The following TPRN variants were observed in gnomAD, a reference collection of about 807,000 sequenced individuals.
TPRN encodes chromosome 9 open reading frame 75.
TPRN carries 32 observed loss-of-function variants against 42.6 expected under a neutral mutation model. The ratio of observed to expected loss-of-function variants is 0.75; its 90% confidence interval spans 0.57 to 1.01. The LOEUF (loss-of-function observed/expected upper bound fraction) is 1.01, where lower values mean the gene tolerates loss of function less well. TPRN is among the 50% of genes least tolerant of loss of function. The pLI, the probability that TPRN is intolerant of heterozygous loss-of-function variation, is 0.00. For missense variants in TPRN, 1,095 were observed against 957.5 expected (o/e 1.14, Z -1.90); for synonymous variants, 541 against 445.6 (o/e 1.21, Z -2.70).
rs957768814 is a variant in TPRN at position 137,200,220 on chromosome 9, GGGCGGCGGC to G, written c.483_491del (p.Pro162_Pro164del). The stretch of plus-strand genomic sequence containing the variant: ...CCGCGGGCGGGGGCCGGGGCGGCGC[GGGCGGCGGC>G]GGCGGCGGCGGGGGGCGGGCGCGCT... On this transcript the variant is annotated inframe_deletion, in exon 1 of 4. Transcript: ENST00000409012. The surrounding 1 kb of genome is among the most constrained non-coding windows in gnomAD (Gnocchi z 4.3). The G allele has an allele frequency of 3.0e-4, 290 of 958,706 alleles. 2 individuals are homozygous for G. Among genetic ancestry groups the G allele is most frequent in the Middle Eastern group, 1.1e-3 (2 of 1,846 alleles). 59.4% of individuals were successfully genotyped at this position (958,706 alleles called of 1,614,324 possible). A position where few individuals can be genotyped will look rare whatever the true frequency, so the allele number is the denominator to read the frequency against.
Position 137,199,540 on chromosome 9 carries a change from T to G in TPRN, c.1172A>C (p.Gln391Pro). ...LGKSPLEVEA[Q>P]WAVEEGACPR... is the part of the protein sequence containing the mutation. ...ACAGGCCCCCTCCTCGACTGCCCAC[T>G]GTGCCTCGACCTCCAGGGGGCTCTT... The change falls in exon 1 of 4, where the codon CAG becomes CCG. Residue 391 changes from glutamine to proline, a missense_variant. Physicochemically the swap from Gln to Pro is moderately conservative, Grantham distance 76. Transcript: ENST00000409012. The G allele has an allele frequency of 6.4e-7, 1 of 1,564,362 alleles. No individual in the cohort carries two copies. The highest frequency in any genetic ancestry group is 8.7e-7 in the Non-Finnish European group (1 of 1,154,954).
chr9:137,199,440 C>A lies in TPRN; in HGVS notation c.1272G>T (p.Pro424=). The change falls in exon 1 of 4, where the codon CCG becomes CCT. Residue 424 remains proline, a synonymous_variant. Coordinates refer to ENST00000409012, the MANE Select transcript of TPRN (RefSeq NM_001128228.3). ...CAGGCTCAGCTTCTTCCGAAGCAGCCGGCAGGAAGGGGGGCGGTGAGGACG... is the reference window on the plus strand; with the variant it reads ...CAGGCTCAGCTTCTTCCGAAGCAGCAGGCAGGAAGGGGGGCGGTGAGGACG... ...QRPSSPPPFL[P]AASEEAEPAE... 6.2e-7 allele frequency: 1 copy of A among 1,610,234 alleles called. No homozygotes were observed. The highest frequency in any genetic ancestry group is 1.1e-5 in the South Asian group (1 of 90,742).
Position 137,199,054 on chromosome 9 carries a change from T to C in TPRN, c.1658A>G (p.Glu553Gly). 1 of 1,613,308 alleles carries C rather than the reference T, an allele frequency of 6.2e-7. No homozygotes were observed. Among genetic ancestry groups the C allele is most frequent in the South Asian group, 1.1e-5 (1 of 91,082 alleles). The change falls in exon 1 of 4, where the codon GAG becomes GGG. Residue 553 changes from glutamate (E) to glycine (G), a missense_variant. Glu to Gly is a moderately conservative substitution (Grantham distance 98, BLOSUM62 -2). Coordinates refer to ENST00000409012, the MANE Select transcript of TPRN (RefSeq NM_001128228.3). ...KKRYPTVHEI[E>G]VIGGYLALQK... is the part of the protein sequence containing the mutation. Reference sequence around the variant, plus strand: ...CAGGGCCAGGTAGCCGCCAATCACCTCGATCTCATGCACGGTGGGGTAGCG... The same window carrying C: ...CAGGGCCAGGTAGCCGCCAATCACCCCGATCTCATGCACGGTGGGGTAGCG...
At chr9:137,197,590 C>T (rs1834724402) in intron 1 of TPRN, among the ~76,000 whole-genome samples, 1 of 152,244 alleles carries the variant, frequency 6.6e-6, no homozygotes, top group African/African-American at 2.4e-5. Context: ...GGCGCAGTTT[C>T]TCTCTACAAA....
chr9:137,198,974 C>G lies in TPRN; in HGVS notation c.1725+13G>C. On this transcript the variant is annotated intron_variant, in intron 1 of 3. Coordinates refer to ENST00000409012, the MANE Select transcript of TPRN (RefSeq NM_001128228.3). The stretch of plus-strand genomic sequence containing the variant: ...TCTCCCTGCCAGCCAGTGGCCCTGC[C>G]CCCACCACTGACCTTCTTTCTTGAG... The G allele has an allele frequency of 6.2e-7, 1 of 1,612,646 alleles. No homozygotes were observed. The highest frequency in any genetic ancestry group is 8.5e-7 in the Non-Finnish European group (1 of 1,179,908).
Position 137,200,554 on chromosome 9 carries a change from A to G in TPRN, c.158T>C (p.Leu53Pro). 1 of 1,160,100 alleles carries G rather than the reference A, an allele frequency of 8.6e-7. No homozygotes were observed. The highest frequency in any genetic ancestry group is 4.8e-5 in the Admixed American group (1 of 20,774). The allele number at this position is 1,160,100 out of a possible 1,614,324, so 71.9% of individuals were successfully genotyped here. A position where few individuals can be genotyped will look rare whatever the true frequency, so the allele number is the denominator to read the frequency against. ...GAACGGGTTCTCGCGCAGCGGGCCC[A>G]GGCTCTCGGCCAGCACCCGCTGCTC... Reference protein sequence around the residue: ...EPEQRVLAESLGPLRENPFML... With the variant: ...EPEQRVLAESPGPLRENPFML... The change falls in exon 1 of 4, where the codon CTG becomes CCG. Residue 53 changes from leucine to proline, a missense_variant. Physicochemically the swap from Leu to Pro is moderately conservative, Grantham distance 98. Coordinates refer to ENST00000409012, the MANE Select transcript of TPRN (RefSeq NM_001128228.3). This position sits in a 1 kb window ranked among gnomAD's most constrained non-coding sequence, Gnocchi z 4.3.
At chr9:137,196,601 TAAA>T (rs1167370893) in intron 1 of TPRN, among the ~76,000 whole-genome samples, 2 of 151,212 alleles carry the variant, frequency 1.3e-5, no homozygotes, top group African/African-American at 4.9e-5. Context: ...AAACAAAAAA[TAAA>T]AAAAGGCTGG....
rs778609420 is a variant in TPRN, at chr9:137,192,548, G to A, written c.1869C>T (p.Ser623=). The A allele has an allele frequency of 3.4e-5, 55 of 1,609,064 alleles. No homozygotes were observed. In the Admixed American group the frequency reaches 4.0e-4, roughly 12 times the overall value. The change falls in exon 2 of 4, where the codon TCC becomes TCT. Residue 623 remains serine (S), a synonymous_variant. Transcript: ENST00000409012. ...GTGCAAAGGGCTTCTCCTCTGAGCCGGATCCCTCTTCCTCCTCTTCCTCTT... is the reference window on the plus strand; with the variant it reads ...GTGCAAAGGGCTTCTCCTCTGAGCCAGATCCCTCTTCCTCCTCTTCCTCTT... ...EEEEEEEEEG[S]GSEEKPFALF...
chr9:137,199,109 T>C lies in TPRN; in HGVS notation c.1603A>G (p.Ser535Gly). 6 of 1,613,250 alleles carry C rather than the reference T, an allele frequency of 3.7e-6. No individual in the cohort carries two copies. The highest frequency in any genetic ancestry group is 1.1e-5 in the South Asian group (1 of 91,086). ...TTCAACGTGGGCCCCAGGAGGCAAC[T>C]AGCCTCCTCCTCCTCGGCCTCCCGT... ...RPREAEEEEA[S>G]CLLGPTLKKR... Residue 535 changes from serine to glycine, a missense_variant, in exon 1 of 4, where the codon AGT becomes GGT. Transcript: ENST00000409012.
chr9:137,198,391 C>T (rs1834738424), intron 1 of TPRN, among the ~76,000 whole-genome samples: 1 of 152,250 alleles, frequency 6.6e-6, no homozygotes, highest in Non-Finnish European at 1.5e-5. Flanking sequence ...GCAAGCTTCC[C>T]AGGCCCAGAA....
chr9:137,200,537 T>C lies in TPRN; in HGVS notation c.175A>G (p.Asn59Asp). 1 of 1,166,924 alleles carries C rather than the reference T, an allele frequency of 8.6e-7. No homozygotes were observed. The highest frequency in any genetic ancestry group is 1.1e-6 in the Non-Finnish European group (1 of 946,590). 72.3% of individuals were successfully genotyped at this position (1,166,924 alleles called of 1,614,324 possible). A position where few individuals can be genotyped will look rare whatever the true frequency, so the allele number is the denominator to read the frequency against. Residue 59 changes from asparagine (N) to aspartate (D), a missense_variant, in exon 1 of 4, where the codon AAC (asparagine) becomes GAC (aspartate). Transcript: ENST00000409012. This position sits in a 1 kb window ranked among gnomAD's most constrained non-coding sequence, Gnocchi z 4.3. ...LAESLGPLRE[N>D]PFMLLEAERR... ...TCGGCCTCCAGCAGCATGAACGGGT[T>C]CTCGCGCAGCGGGCCCAGGCTCTCG...
chr9:137,199,313 G>T lies in TPRN; in HGVS notation c.1399C>A (p.Pro467Thr). The T allele has an allele frequency of 6.2e-7, 1 of 1,612,554 alleles. No homozygotes were observed. The highest frequency in any genetic ancestry group is 2.2e-5 in the East Asian group (1 of 44,870). ...FIDEVDSEEA[P>T]QAAKLPYLPH... Reference sequence around the variant, plus strand: ...AGGTAGGGTAGTTTGGCTGCTTGGGGGGCCTCCTCCGAGTCTACCTCATCG... The same window carrying T: ...AGGTAGGGTAGTTTGGCTGCTTGGGTGGCCTCCTCCGAGTCTACCTCATCG... Residue 467 changes from proline (P) to threonine (T), a missense_variant, in exon 1 of 4, where the codon CCC becomes ACC. By Grantham distance (38) the Pro-to-Thr change is conservative. Coordinates refer to ENST00000409012, the MANE Select transcript of TPRN (RefSeq NM_001128228.3).
chr9:137,200,040 C>A lies in TPRN; in HGVS notation c.672G>T (p.Gly224=). 1 of 1,437,820 alleles carries A rather than the reference C, an allele frequency of 7.0e-7. No individual in the cohort carries two copies. Among genetic ancestry groups the A allele is most frequent in the Non-Finnish European group, 9.1e-7 (1 of 1,102,424 alleles). 89.1% of individuals were successfully genotyped at this position (1,437,820 alleles called of 1,614,324 possible). The change falls in exon 1 of 4, where the codon GGG becomes GGT. Residue 224 remains glycine, a synonymous_variant. Coordinates refer to ENST00000409012, the MANE Select transcript of TPRN (RefSeq NM_001128228.3). This position sits in a 1 kb window ranked among gnomAD's most constrained non-coding sequence, Gnocchi z 4.3. ...CGGCCCGGGGCTCAGGGGCCGAGTGCCCGTTGGAGAGCAGGCGGGCGCCCG... is the reference window on the plus strand; with the variant it reads ...CGGCCCGGGGCTCAGGGGCCGAGTGACCGTTGGAGAGCAGGCGGGCGCCCG... The part of the protein sequence containing the change: ...RGAGARLLSN[G]HSAPEPRAGP...
chr9:137,196,089 T>C (rs11794633), intron 1 of TPRN, among the ~76,000 whole-genome samples: 42,846 of 152,104 alleles, frequency 0.28, 6,368 homozygotes, highest in African/African-American at 0.37. Context: ...CAGCCAGCCC[T>C]GGGGCAGGCC....
chr9:137,196,813 T>C (rs1157202658), intron 1 of TPRN, among the ~76,000 whole-genome samples: 1 of 152,174 alleles, frequency 6.6e-6, no homozygotes, highest in African/African-American at 2.4e-5. Context: ...TTCTGGCTCT[T>C]CCCAGGCAGG....
Position 137,199,432 on chromosome 9 carries a change from G to C in TPRN, c.1280C>G (p.Ser427Trp), listed in dbSNP as rs377313060. 10 of 1,610,730 alleles carry C rather than the reference G, an allele frequency of 6.2e-6. No individual in the cohort carries two copies. Among genetic ancestry groups the C allele is most frequent in the Non-Finnish European group, 3.4e-6 (4 of 1,179,214 alleles). Reference sequence around the variant, plus strand: ...GCCCTCAGCAGGCTCAGCTTCTTCCGAAGCAGCCGGCAGGAAGGGGGGCGG... The same window carrying C: ...GCCCTCAGCAGGCTCAGCTTCTTCCCAAGCAGCCGGCAGGAAGGGGGGCGG... ...SSPPPFLPAASEEAEPAEGLR... is the reference protein window; with the variant it reads ...SSPPPFLPAAWEEAEPAEGLR... Residue 427 changes from serine to tryptophan, a missense_variant, in exon 1 of 4, where the codon TCG becomes TGG. Transcript: ENST00000409012.
intron 1 of TPRN, 53 bp downstream of exon 1, chr9:137,198,934 T>A (rs1433964511): frequency 1.2e-6 from 2 of 1,609,992 alleles, no homozygotes; most frequent in African/African-American, 2.7e-5. Context: ...CCCACAGTTC[T>A]GTGAGCTGTC....
In TPRN at chr9:137,191,853, C is replaced by T. The variant is rs1834621888; in HGVS notation, c.*259G>A. 2 of 563,978 alleles carry T rather than the reference C, an allele frequency of 3.5e-6. No individual in the cohort carries two copies. Among genetic ancestry groups the T allele is most frequent in the South Asian group, 2.0e-5 (1 of 51,276 alleles). The allele number at this position is 563,978 out of a possible 1,614,324, so 34.9% of individuals were successfully genotyped here. A position where few individuals can be genotyped will look rare whatever the true frequency, so the allele number is the denominator to read the frequency against. On this transcript the variant is annotated 3_prime_UTR_variant, in exon 4 of 4. Coordinates refer to ENST00000409012, the MANE Select transcript of TPRN (RefSeq NM_001128228.3). Reference sequence around the variant, plus strand: ...CTGCCGGGTCGCAGATGGCCACCACCCAGCAGGCCCCTGGCACTCACCCAC... The same window carrying T: ...CTGCCGGGTCGCAGATGGCCACCACTCAGCAGGCCCCTGGCACTCACCCAC...
In TPRN at chr9:137,200,463, GT is replaced by G; in HGVS notation, c.248del (p.Tyr83SerfsTer367). ...GGGCGCGCACGCCAGGCACGCGGCGGTACCGCTCCAGCAGCCGCGCCCCCGC... is the reference window on the plus strand; with the variant it reads ...GGGCGCGCACGCCAGGCACGCGGCGGACCGCTCCAGCAGCCGCGCCCCCGC... ...GAAGARLLER[Y>X]RRVPGVRALR... is the part of the protein sequence containing the mutation. On this transcript the variant is annotated frameshift_variant, in exon 1 of 4. Transcript: ENST00000409012. LOFTEE classifies it high-confidence loss of function. The surrounding 1 kb of genome is among the most constrained non-coding windows in gnomAD (Gnocchi z 4.3). 1 of 1,123,030 alleles carries G rather than the reference GT, an allele frequency of 8.9e-7. No individual in the cohort carries two copies. Among genetic ancestry groups the G allele is most frequent in the Non-Finnish European group, 1.1e-6 (1 of 918,854 alleles). The allele number at this position is 1,123,030 out of a possible 1,614,324, so 69.6% of individuals were successfully genotyped here. A position where few individuals can be genotyped will look rare whatever the true frequency, so the allele number is the denominator to read the frequency against.
Sources: gnomAD v4.1 joint callset for allele counts (sites outside exome capture counted in the v4.1 genomes callset) on GRCh38, gnomAD v4.1.1 for gene constraint, Gnocchi (gnomAD v3.1) non-coding constraint, MANE v1.5 for transcripts, NCBI Gene and HGNC (gene_info 2026-07-23, HGNC 2026-07-21) for gene names.